The following ATP2B1 variants were observed in gnomAD, a reference collection of about 807,000 sequenced individuals.
The protein encoded by ATP2B1 is ATPase plasma membrane Ca2+ transporting 1, also known as plasma membrane calcium-transporting ATPase 1.
ATP2B1 carries 14 observed loss-of-function variants against 124.2 expected under a neutral mutation model. The observed-to-expected ratio is 0.11, with a 90% CI of 0.07 to 0.18. The LOEUF is 0.18. ATP2B1 is among the 10% of genes least tolerant of loss of function. ATP2B1 has a pLI of 1.00. For missense variants in ATP2B1, 763 were observed against 1,466.1 expected (o/e 0.52, Z 7.83); for synonymous variants, 449 against 492.4 (o/e 0.91, Z 1.17).
At chr12:89,608,648 T>G (rs1393409899) in intron 15 of ATP2B1, among the ~76,000 whole-genome samples, 2 of 152,218 alleles carry the variant, frequency 1.3e-5, no homozygotes, top group African/African-American at 4.8e-5. Context: ...GTATCTGTCT[T>G]ACATTCAAGT....
At chr12:89,707,191 C>T (rs765815381) in intron 1 of ATP2B1, among the ~76,000 whole-genome samples, 2 of 152,096 alleles carry the variant, frequency 1.3e-5, no homozygotes, top group East Asian at 3.9e-4. Context: ...CAGGGAGTCT[C>T]GGGAAGGCTG....
At chr12:89,597,322 G>A (rs1005709818) in intron 20 of ATP2B1, among the ~76,000 whole-genome samples, 1 of 152,094 alleles carries the variant, frequency 6.6e-6, no homozygotes, top group Non-Finnish European at 1.5e-5. Context: ...AGTTCTAGCT[G>A]TCCCTCTATG....
Position 89,630,568 on chromosome 12 carries a change from T to C in ATP2B1, c.865A>G (p.Thr289Ala). Residue 289 changes from threonine (T) to alanine (A), a missense_variant, in exon 6 of 21, where the codon ACC (threonine) becomes GCC (alanine). Thr to Ala is a moderately conservative substitution (Grantham distance 58). This residue lies in a region of ATP2B1 where 392 missense variants were observed against 776.6 expected (regional missense o/e 0.50). Transcript: ENST00000428670. ...GVNSQTGIIFTLLGAGGEEEE... is the reference protein window; with the variant it reads ...GVNSQTGIIFALLGAGGEEEE... The stretch of plus-strand genomic sequence containing the variant: ...TCTTCACCTCCAGCTCCAAGTAAGG[T>C]AAAGATAATTCCAGTTTGAGAATTT... The C allele has an allele frequency of 6.9e-6, 11 of 1,599,672 alleles. No homozygotes were observed. The highest frequency in any genetic ancestry group is 9.4e-6 in the Non-Finnish European group (11 of 1,172,320).
chr12:89,628,422 AAAAAAAAAAAAAGAC>A (rs1881284225), intron 6 of ATP2B1, among the ~76,000 whole-genome samples: 1 of 137,642 alleles, frequency 7.3e-6, no homozygotes. Flanking sequence ...AAAAAAAAAA[AAAAAAAAAAAAAGAC>A]AACTGGCACA....
intron 12 of ATP2B1, among the ~76,000 whole-genome samples, chr12:89,615,235 C>A (rs1223796135): frequency 1.3e-5 from 2 of 152,146 alleles, no homozygotes; most frequent in Non-Finnish European, 2.9e-5. Flanking sequence ...AATGCCACAT[C>A]CTCAGAAATT....
At chr12:89,682,081 A>T (rs946585489) in intron 1 of ATP2B1, among the ~76,000 whole-genome samples, 3 of 152,202 alleles carry the variant, frequency 2.0e-5, no homozygotes, top group Non-Finnish European at 1.5e-5. Context: ...TAGCCTTTAT[A>T]TACACAACTA....
At chr12:89,705,129 A>G (rs1035620751) in intron 1 of ATP2B1, among the ~76,000 whole-genome samples, 3 of 152,104 alleles carry the variant, frequency 2.0e-5, no homozygotes, top group Non-Finnish European at 4.4e-5. Context: ...AGACAACAAT[A>G]TATGTGGTAT....
intron 12 of ATP2B1, among the ~76,000 whole-genome samples, chr12:89,614,816 C>T (rs1040017067): frequency 2.6e-5 from 4 of 152,148 alleles, no homozygotes; most frequent in African/African-American, 7.2e-5. Context: ...TCTATCTCCA[C>T]TTACTTTGAA....
intron 1 of ATP2B1, among the ~76,000 whole-genome samples, chr12:89,705,846 C>A (rs1239161967): frequency 6.6e-6 from 1 of 152,082 alleles, no homozygotes; most frequent in East Asian, 1.9e-4. Context: ...ATCTACAGCT[C>A]AATAGCCAAT....
Position 89,591,188 on chromosome 12 carries a change from T to G in ATP2B1, c.3459A>C (p.Glu1153Asp). ...NFMTHPEFRIEDSEPHIPLID... is the reference protein window; with the variant it reads ...NFMTHPEFRIDDSEPHIPLID... ...TAAGGGGGATATGAGGCTCTGAATC[T>G]TCTATCCTAAACTCAGGATGTGTCA... is the stretch of plus-strand genomic sequence containing the variant. The change falls in exon 21 of 21, where the codon GAA (glutamate) becomes GAC (aspartate). Residue 1153 changes from glutamate (E) to aspartate (D), a missense_variant. By Grantham distance (45) the Glu-to-Asp change is conservative. Coordinates refer to ENST00000428670, the MANE Select transcript of ATP2B1 (RefSeq NM_001366521.1). The G allele has an allele frequency of 6.2e-7, 1 of 1,613,336 alleles. No individual in the cohort carries two copies. The highest frequency in any genetic ancestry group is 8.5e-7 in the Non-Finnish European group (1 of 1,179,418).
chr12:89,695,067 A>AAAAAAAAAAAAG (rs776192730), intron 1 of ATP2B1, among the ~76,000 whole-genome samples: 12 of 146,156 alleles, frequency 8.2e-5, no homozygotes, highest in East Asian at 3.9e-4. Context: ...TCAAAAAAAA[A>AAAAAAAAAAAAG]AAAAGAAAAG....
chr12:89,668,184 C>T (rs926225120), intron 1 of ATP2B1, among the ~76,000 whole-genome samples: 2 of 152,276 alleles, frequency 1.3e-5, no homozygotes, highest in South Asian at 2.1e-4. Context: ...CCTATTTGTA[C>T]CTCCGGAGGT....
intron 1 of ATP2B1, among the ~76,000 whole-genome samples, chr12:89,675,875 GTAT>G (rs1888546733): frequency 6.6e-6 from 1 of 152,036 alleles, no homozygotes; most frequent in Admixed American, 6.6e-5. Context: ...GTTATTTTTA[GTAT>G]TATTATTTCA....
intron 18 of ATP2B1, among the ~76,000 whole-genome samples, 193 bp downstream of exon 18, chr12:89,602,850 G>A (rs1403912651): frequency 1.3e-5 from 2 of 152,056 alleles, no homozygotes; most frequent in Non-Finnish European, 2.9e-5. Context: ...GTTGGTTGTG[G>A]CATTTACTTC....
intron 15 of ATP2B1, among the ~76,000 whole-genome samples, chr12:89,605,638 A>G (rs1376527433): frequency 6.6e-6 from 1 of 152,236 alleles, no homozygotes; most frequent in Non-Finnish European, 1.5e-5. Flanking sequence ...CAAAATGGAC[A>G]AAGACAAACC....
intron 15 of ATP2B1, among the ~76,000 whole-genome samples, chr12:89,604,815 T>C (rs1324758030): frequency 1.3e-5 from 2 of 151,890 alleles, no homozygotes; most frequent in Non-Finnish European, 2.9e-5. Flanking sequence ...AATCCAAGTG[T>C]AGAGAAAGTA....
chr12:89,657,223 T>C (rs1330178127), intron 1 of ATP2B1, among the ~76,000 whole-genome samples: 2 of 152,194 alleles, frequency 1.3e-5, no homozygotes, highest in Admixed American at 6.5e-5. Flanking sequence ...AATTCTACCT[T>C]TGAAAAGTCT....
Position 89,635,317 on chromosome 12 carries a change from C to T in ATP2B1, c.407-66G>A, listed in dbSNP as rs143035900. 1.8e-4 allele frequency: 271 copies of T among 1,489,554 alleles called. 1 individual carries two copies. Among genetic ancestry groups the T allele is most frequent in the East Asian group, 4.1e-4 (18 of 43,552 alleles). The allele number at this position is 1,489,554 out of a possible 1,614,324, so 92.3% of individuals were successfully genotyped here. On this transcript the variant is annotated intron_variant, in intron 3 of 20. Transcript: ENST00000428670. The stretch of plus-strand genomic sequence containing the variant: ...AATTGATGACAACATACATATAGTA[C>T]GTCTAAATCATATTTTTGTGTTAAT...
At chr12:89,641,769 C>G (rs1229280720) in intron 3 of ATP2B1, 1 of 160,790 alleles carries the variant, frequency 6.2e-6, no homozygotes, top group East Asian at 1.8e-4. Flanking sequence ...GGGAAGAGAA[C>G]AGAATTTTGC....
Sources: gnomAD v4.1 joint callset for allele counts (sites outside exome capture counted in the v4.1 genomes callset) on GRCh38, gnomAD v4.1.1 for gene constraint, gnomAD v4.1.1 regional missense constraint, MANE v1.5 for transcripts, NCBI Gene and HGNC (gene_info 2026-07-23, HGNC 2026-07-21) for gene names.